RSBN1: variants seen among roughly 807,000 people sequenced by gnomAD.
RSBN1 encodes the protein lysine-specific demethylase 9.
RSBN1 carries 23 observed loss-of-function variants against 74.8 expected under a neutral mutation model. The observed-to-expected ratio is 0.31, with a 90% CI of 0.22 to 0.44. The LOEUF (loss-of-function observed/expected upper bound fraction) is 0.44. Among genes scored for constraint, RSBN1 ranks in the 20% least tolerant of loss-of-function variants. The probability of loss-of-function intolerance (pLI) is 1.00; values close to 1 mark genes in which losing one functional copy is unlikely to be tolerated. For missense variants in RSBN1, 808 were observed against 1,020.9 expected (o/e 0.79, Z 2.84); for synonymous variants, 407 against 379.6 (o/e 1.07, Z -0.84).
chr1:113,775,224 C>T (rs1423436445), intron 4 of RSBN1, among the ~76,000 whole-genome samples: 3 of 151,938 alleles, frequency 2.0e-5, no homozygotes, highest in African/African-American at 7.3e-5. Flanking sequence ...GGGGTTTCAC[C>T]ATGTTGACCA....
intron 2 of RSBN1, among the ~76,000 whole-genome samples, chr1:113,790,781 T>C (rs771208736): frequency 1.3e-5 from 2 of 152,166 alleles, no homozygotes; most frequent in Admixed American, 6.5e-5. Context: ...TAATGGTAGA[T>C]GGTATATGGT....
Position 113,777,634 on chromosome 1 carries a change from A to G in RSBN1, c.1515+37T>C. ...CAACATATAAAGTGCCCACTTAAGTAAAGATCAAAACTTTAATAATCTTAA... is the reference window on the plus strand; with the variant it reads ...CAACATATAAAGTGCCCACTTAAGTGAAGATCAAAACTTTAATAATCTTAA... On this transcript the variant is annotated intron_variant, in intron 3 of 6. Transcript: ENST00000261441. 4 of 1,577,998 alleles carry G rather than the reference A, an allele frequency of 2.5e-6. No individual in the cohort carries two copies. The South Asian group carries it at 3.5e-5, about 14-fold the overall frequency.
At chr1:113,773,350 C>A (rs967834638) in intron 4 of RSBN1, among the ~76,000 whole-genome samples, 3 of 152,140 alleles carry the variant, frequency 2.0e-5, no homozygotes, top group African/African-American at 7.2e-5. Flanking sequence ...TATGGCGAAA[C>A]CCCTCTTTAC....
At chr1:113,773,812 A>C (rs1365211223) in intron 4 of RSBN1, among the ~76,000 whole-genome samples, 1 of 151,756 alleles carries the variant, frequency 6.6e-6, no homozygotes, top group Admixed American at 6.6e-5. Flanking sequence ...AGACCATCCT[A>C]GCCAACATGG....
chr1:113,807,800 TAC>T (rs59928174), intron 1 of RSBN1, among the ~76,000 whole-genome samples: 52,406 of 144,432 alleles, frequency 0.36, 11,123 homozygotes, highest in Non-Finnish European at 0.48. Context: ...TGTATATGTA[TAC>T]ACACACACAC....
chr1:113,789,486 C>T (rs552197697), intron 2 of RSBN1, among the ~76,000 whole-genome samples: 122 of 152,258 alleles, frequency 8.0e-4, no homozygotes, highest in African/African-American at 2.8e-3. Flanking sequence ...ATAAGTATTT[C>T]CCTGAGTTCT....
At chr1:113,808,778 G>A (rs900153395) in intron 1 of RSBN1, among the ~76,000 whole-genome samples, 1 of 152,196 alleles carries the variant, frequency 6.6e-6, no homozygotes, top group African/African-American at 2.4e-5. Flanking sequence ...GTTAGTGGCT[G>A]CCAGAGGACA....
At chr1:113,768,447 AAATT>A (rs1659827331) in intron 4 of RSBN1, 58 bp from the exon 5 acceptor site, 1 of 1,421,424 alleles carries the variant, frequency 7.0e-7, no homozygotes, top group Non-Finnish European at 9.5e-7. Context: ...GACCAAAAAA[AAATT>A]AATTAATAGC....
chr1:113,798,309 G>A (rs1660513394), intron 1 of RSBN1, among the ~76,000 whole-genome samples: 1 of 152,086 alleles, frequency 6.6e-6, no homozygotes, highest in South Asian at 2.1e-4. Flanking sequence ...CCAAAAAACA[G>A]AGAATGGTTA....
chr1:113,812,386 G>C lies in RSBN1; in HGVS notation c.27C>G (p.Ala9=), dbSNP rs754706598. The part of the protein sequence containing the change: MFISGRRT[A]DKWRAEERLQ... ...GTCTCTCCTCCGCCCTCCACTTGTC[G>C]GCCGTTCTTCGTCCAGAGATGAACA... The change falls in exon 1 of 7, where the codon GCC becomes GCG. Residue 9 remains alanine, a synonymous_variant. Coordinates refer to ENST00000261441, the MANE Select transcript of RSBN1 (RefSeq NM_018364.5). 2 of 1,601,424 alleles carry C rather than the reference G, an allele frequency of 1.2e-6. No individual in the cohort carries two copies. Among genetic ancestry groups the C allele is most frequent in the South Asian group, 1.1e-5 (1 of 90,920 alleles).
chr1:113,770,866 A>G (rs913636538), intron 4 of RSBN1, among the ~76,000 whole-genome samples: 2 of 152,184 alleles, frequency 1.3e-5, no homozygotes, highest in African/African-American at 4.8e-5. Context: ...GCAAAAAGAT[A>G]ATAGGAAATA....
chr1:113,766,170 T>G lies in RSBN1; in HGVS notation c.2219A>C (p.Lys740Thr), dbSNP rs1659777089. 5.6e-6 allele frequency: 9 copies of G among 1,613,986 alleles called. No homozygotes were observed. The highest frequency in any genetic ancestry group is 1.7e-5 in the Admixed American group (1 of 59,996). Residue 740 changes from lysine (K) to threonine (T), a missense_variant, in exon 7 of 7, where the codon AAA becomes ACA. Physicochemically the swap from Lys to Thr is moderately conservative, Grantham distance 78. Around this residue, in one of 6 missense-constraint regions of RSBN1, gnomAD observed 91 missense variants for 99.6 expected, o/e 0.91. Coordinates refer to ENST00000261441, the MANE Select transcript of RSBN1 (RefSeq NM_018364.5). Reference protein sequence around the residue: ...LEVDSQCVRIKTESEEACTEI... With the variant: ...LEVDSQCVRITTESEEACTEI... The stretch of plus-strand genomic sequence containing the variant: ...TGTGCATGCTTCTTCAGATTCAGTT[T>G]TTATCCTCACACATTGGGAGTCAAC...
At chr1:113,789,687 C>T (rs1660328071) in intron 2 of RSBN1, among the ~76,000 whole-genome samples, 1 of 152,168 alleles carries the variant, frequency 6.6e-6, no homozygotes, top group Non-Finnish European at 1.5e-5. Flanking sequence ...AATTGGATGA[C>T]ACCCAGCTGG....
chr1:113,811,031 T>C (rs865816997), intron 1 of RSBN1, among the ~76,000 whole-genome samples: 1 of 152,206 alleles, frequency 6.6e-6, no homozygotes, highest in South Asian at 2.1e-4. Context: ...GCAACTGAAA[T>C]TCCGGCCTCT....
At chr1:113,811,372 T>C (rs1323778352) in intron 1 of RSBN1, among the ~76,000 whole-genome samples, 1 of 152,160 alleles carries the variant, frequency 6.6e-6, no homozygotes, top group East Asian at 1.9e-4. Context: ...GAAGGGATTT[T>C]AGGAACATGC....
intron 2 of RSBN1, among the ~76,000 whole-genome samples, chr1:113,791,092 C>T (rs1324166652): frequency 6.6e-6 from 1 of 151,812 alleles, no homozygotes; most frequent in Non-Finnish European, 1.5e-5. Context: ...GAGGTAAGTA[C>T]GAGACCAAAG....
intron 2 of RSBN1, among the ~76,000 whole-genome samples, chr1:113,779,025 T>C (rs1407868749): frequency 6.6e-6 from 1 of 152,218 alleles, no homozygotes; most frequent in East Asian, 1.9e-4. Context: ...ATCCTGTACA[T>C]AGCAATGGAC....
In RSBN1 at chr1:113,812,332, C is replaced by T. The variant is rs774951420; in HGVS notation, c.81G>A (p.Ala27=). The T allele has an allele frequency of 1.7e-5, 27 of 1,603,580 alleles. No individual in the cohort carries two copies. Among genetic ancestry groups the T allele is most frequent in the African/African-American group, 4.0e-5 (3 of 74,924 alleles). Residue 27 remains alanine (A), a synonymous_variant, in exon 1 of 7, where the codon GCG becomes GCA. Coordinates refer to ENST00000261441, the MANE Select transcript of RSBN1 (RefSeq NM_018364.5). ...RLQCPAGSAR[A]ALARCADGGA... ...CCCCGTCCGCGCATCGCGCAAGCGC[C>T]GCCCGCGCACTGCCCGCTGGGCATT... is the stretch of plus-strand genomic sequence containing the variant.
At chr1:113,772,397 T>TA (rs907915893) in intron 4 of RSBN1, among the ~76,000 whole-genome samples, 44 of 151,260 alleles carry the variant, frequency 2.9e-4, no homozygotes, top group African/African-American at 9.7e-4. Context: ...AATTTTTAAT[T>TA]AAAAAAAAAC....
Sources: gnomAD v4.1 joint callset for allele counts (sites outside exome capture counted in the v4.1 genomes callset) on GRCh38, gnomAD v4.1.1 for gene constraint, gnomAD v4.1.1 regional missense constraint, MANE v1.5 for transcripts, NCBI Gene and HGNC (gene_info 2026-07-23, HGNC 2026-07-21) for gene names.